The following ATAD3C variants were observed in gnomAD, a reference collection of about 807,000 sequenced individuals.
The protein encoded by ATAD3C is ATPase family AAA domain-containing protein 3C.
A neutral mutation model predicts 46.3 loss-of-function variants in ATAD3C; 38 were observed. The ratio of observed to expected loss-of-function variants is 0.82; its 90% CI spans 0.63 to 1.08. ATAD3C has a LOEUF of 1.08. Ranked by LOEUF, ATAD3C falls within the 50% of genes least tolerant of loss-of-function variation. The pLI, the probability that ATAD3C is intolerant of heterozygous loss-of-function variation, is 0.00. For missense variants in ATAD3C, 563 were observed against 572.7 expected (o/e 0.98, Z 0.17); for synonymous variants, 220 against 236.4 (o/e 0.93, Z 0.63).
At chr1:1,457,899 A>G (rs1638993556) in intron 8 of ATAD3C, among the ~76,000 whole-genome samples, 1 of 151,496 alleles carries the variant, frequency 6.6e-6, no homozygotes, top group South Asian at 2.1e-4. Context: ...GATGGTCTAG[A>G]TCTCTTGACC....
rs535645269 is a variant in ATAD3C, at chr1:1,455,676, G to C, written c.439-115G>C. The C allele has an allele frequency of 1.9e-6, 3 of 1,559,918 alleles. No homozygotes were observed. The African/African-American group carries it at 4.1e-5, about 21-fold the overall frequency. The stretch of plus-strand genomic sequence containing the variant: ...TGCCGGGGATAGATAGGCTGCCCAC[G>C]AGCTGGGTGGCTCCCCGGAGAGCGG... On this transcript the variant is annotated intron_variant, in intron 5 of 11. Transcript: ENST00000378785.
intron 2 of ATAD3C, 93 bp from the exon 3 acceptor site, chr1:1,452,272 G>T: frequency 1.2e-6 from 2 of 1,600,290 alleles, no homozygotes; most frequent in Admixed American, 1.7e-5. Context: ...GGCAGGACCA[G>T]GCTGCTGTGT....
Position 1,462,802 on chromosome 1 carries a change from T to C in ATAD3C, c.1089+94T>C. The C allele has an allele frequency of 2.1e-6, 3 of 1,412,938 alleles. No individual in the cohort carries two copies. The highest frequency in any genetic ancestry group is 2.6e-5 in the South Asian group (2 of 76,980). 87.5% of individuals were successfully genotyped at this position (1,412,938 alleles called of 1,614,324 possible). ...GGCCTGTCCCAGCACCGGTGTCACG[T>C]GGGAGCTTCTGTTGAGGGGTTTTCA... On this transcript the variant is annotated intron_variant, in intron 11 of 11. Coordinates refer to ENST00000378785, the MANE Select transcript of ATAD3C (RefSeq NM_001039211.3). This position sits in a 1 kb window ranked among gnomAD's most constrained non-coding sequence, Gnocchi z 4.5.
chr1:1,449,820 C>T lies in ATAD3C; in HGVS notation c.-864C>T, dbSNP rs1002153374. The T allele has an allele frequency of 6.6e-6, 1 of 151,956 alleles. No homozygotes were observed. The highest frequency in any genetic ancestry group is 2.4e-5 in the African/African-American group (1 of 41,404). 9.4% of individuals were successfully genotyped at this position (151,956 alleles called of 1,614,324 possible). A position where few individuals can be genotyped will look rare whatever the true frequency, so the allele number is the denominator to read the frequency against. Reference sequence around the variant, plus strand: ...AAATGTTGAGACCTGATGCTGAGTCCTCAGCAGCTCAGAGAATACGTACTT... The same window carrying T: ...AAATGTTGAGACCTGATGCTGAGTCTTCAGCAGCTCAGAGAATACGTACTT... On this transcript the variant is annotated 5_prime_UTR_variant, in exon 1 of 12. Coordinates refer to ENST00000378785, the MANE Select transcript of ATAD3C (RefSeq NM_001039211.3).
intron 1 of ATAD3C, 30 bp downstream of exon 1, chr1:1,450,788 C>A (rs776616511): frequency 6.2e-7 from 1 of 1,611,236 alleles, no homozygotes; most frequent in South Asian, 1.1e-5. Flanking sequence ...GCGGGGAGGC[C>A]GGGGCACACA....
chr1:1,460,560 C>T (rs1639038609), intron 9 of ATAD3C, among the ~76,000 whole-genome samples, 190 bp from the exon 10 acceptor site: 1 of 152,090 alleles, frequency 6.6e-6, no homozygotes, highest in South Asian at 2.1e-4. Context: ...AGGGGGACAG[C>T]TGGGCGTGGT....
chr1:1,467,192 C>T (rs942955210), intron 11 of ATAD3C, among the ~76,000 whole-genome samples: 2 of 152,066 alleles, frequency 1.3e-5, no homozygotes, highest in African/African-American at 4.8e-5. Flanking sequence ...CTGCCAGGTC[C>T]CGTGCTTCCT....
intron 9 of ATAD3C, among the ~76,000 whole-genome samples, chr1:1,460,548 G>GC (rs1052144256): frequency 1.3e-5 from 2 of 152,080 alleles, no homozygotes; most frequent in Non-Finnish European, 2.9e-5. Context: ...AGGAAGCCGG[G>GC]CAGGGGGACA....
At position 1,455,758 on chromosome 1, in the gene ATAD3C, CTG is replaced by C. The variant is rs754053742; in HGVS notation, c.439-29_439-28del. 1.1e-5 allele frequency: 18 copies of C among 1,612,060 alleles called. No individual in the cohort carries two copies. The South Asian group carries it at 1.3e-4, about 12-fold the overall frequency. ...CCCCCGAGGCTTCTGTGGGTGCAGACTGTGTCCTCCAAGCCCCTGTCTTCCTC... is the reference window on the plus strand; with the variant it reads ...CCCCCGAGGCTTCTGTGGGTGCAGACTGTCCTCCAAGCCCCTGTCTTCCTC... On this transcript the variant is annotated intron_variant, in intron 5 of 11. Coordinates refer to ENST00000378785, the MANE Select transcript of ATAD3C (RefSeq NM_001039211.3).
At chr1:1,465,424 T>A (rs1439182170) in intron 11 of ATAD3C, among the ~76,000 whole-genome samples, 2 of 150,600 alleles carry the variant, frequency 1.3e-5, no homozygotes, top group Non-Finnish European at 3.0e-5. Flanking sequence ...ACCCCATCTC[T>A]GCTAAAAATA....
intron 11 of ATAD3C, among the ~76,000 whole-genome samples, chr1:1,463,622 C>T (rs1639104094): frequency 6.6e-6 from 1 of 151,970 alleles, no homozygotes; most frequent in Non-Finnish European, 1.5e-5. Flanking sequence ...ACTAAGAAAG[C>T]AGAGGCCGGG....
chr1:1,454,477 G>A lies in ATAD3C; in HGVS notation c.355G>A (p.Glu119Lys). The stretch of plus-strand genomic sequence containing the variant: ...GGAGACGTCCCGCATCACGGTGCTT[G>A]AGGCGCTGCGGCACCCCATCCAGGT... ...VRETSRITVL[E>K]ALRHPIQQVS... The change falls in exon 4 of 12, where the codon GAG becomes AAG. Residue 119 changes from glutamate (E) to lysine (K), a missense_variant. Coordinates refer to ENST00000378785, the MANE Select transcript of ATAD3C (RefSeq NM_001039211.3). The A allele has an allele frequency of 6.2e-7, 1 of 1,609,296 alleles. No individual in the cohort carries two copies. Among genetic ancestry groups the A allele is most frequent in the East Asian group, 2.2e-5 (1 of 44,774 alleles).
At chr1:1,466,739 G>A (rs1639151647) in intron 11 of ATAD3C, among the ~76,000 whole-genome samples, 5 of 151,758 alleles carry the variant, frequency 3.3e-5, no homozygotes, top group African/African-American at 1.2e-4. Context: ...TCAGGGTGTG[G>A]AATCCTTTTA....
chr1:1,457,094 ACT>A, intron 7 of ATAD3C, 33 bp from the exon 8 acceptor site: 1 of 1,611,488 alleles, frequency 6.2e-7, no homozygotes, highest in Admixed American at 1.7e-5. Flanking sequence ...TCCTGGCATC[ACT>A]CTCACCCAGC....
chr1:1,452,462 C>T (rs1638879116), intron 3 of ATAD3C, 28 bp downstream of exon 3: 1 of 1,613,272 alleles, frequency 6.2e-7, no homozygotes, highest in African/African-American at 1.3e-5. Flanking sequence ...ACAGGGCTGG[C>T]AGGTGGCTGA....
chr1:1,455,624 G>A, intron 5 of ATAD3C, 105 bp downstream of exon 5: 1 of 1,582,986 alleles, frequency 6.3e-7, no homozygotes, highest in South Asian at 1.1e-5. Context: ...GGATCTTTTG[G>A]GTCCTGAGAT....
At position 1,455,608 on chromosome 1, in the gene ATAD3C, C is replaced by T. The variant is rs1054771312; in HGVS notation, c.438+89C>T. 3.4e-5 allele frequency: 55 copies of T among 1,594,350 alleles called. 1 individual carries two copies. Among genetic ancestry groups the T allele is most frequent in the South Asian group, 2.3e-4 (21 of 89,576 alleles). On this transcript the variant is annotated intron_variant, in intron 5 of 11. Transcript: ENST00000378785. Reference sequence around the variant, plus strand: ...TGGCCCTTGCTGGCGCTCCTGGTGGCGCCCAGGATCTTTTGGGTCCTGAGA... The same window carrying T: ...TGGCCCTTGCTGGCGCTCCTGGTGGTGCCCAGGATCTTTTGGGTCCTGAGA...
At chr1:1,456,724 TGAA>T (rs1638966219) in intron 7 of ATAD3C, among the ~76,000 whole-genome samples, 1 of 150,736 alleles carries the variant, frequency 6.6e-6, no homozygotes, top group East Asian at 2.0e-4. Flanking sequence ...GAAAGTTAGC[TGAA>T]GACAGCATGG....
In ATAD3C at chr1:1,455,441, G is replaced by A. The variant is rs1305176857; in HGVS notation, c.379-19G>A. 3.1e-6 allele frequency: 5 copies of A among 1,610,664 alleles called. No homozygotes were observed. The highest frequency in any genetic ancestry group is 4.2e-6 in the Non-Finnish European group (5 of 1,178,828). ...TGGCTGTGGCAGGTGACCCAATGGTGCTTCCCCTTCCCCTCCAGCAGGTCA... is the reference window on the plus strand; with the variant it reads ...TGGCTGTGGCAGGTGACCCAATGGTACTTCCCCTTCCCCTCCAGCAGGTCA... On this transcript the variant is annotated intron_variant, in intron 4 of 11. Transcript: ENST00000378785.
Sources: allele counts gnomAD v4.1 joint callset (sites outside exome capture counted in the v4.1 genomes callset), GRCh38; gene constraint gnomAD v4.1.1; non-coding constraint Gnocchi (gnomAD v3.1); transcripts MANE v1.5; gene names NCBI Gene and HGNC (gene_info 2026-07-23, HGNC 2026-07-21).